The following FRMD8 variants were observed in gnomAD, a reference collection of about 807,000 sequenced individuals.
FRMD8 encodes FERM domain-containing protein 8.
FRMD8 carries 37 observed loss-of-function variants against 54.2 expected under a neutral mutation model. The ratio of observed to expected loss-of-function variants is 0.68; its 90% CI spans 0.53 to 0.90. The LOEUF is 0.90. Among genes scored for constraint, FRMD8 ranks in the 40% least tolerant of loss-of-function variants. FRMD8 has a pLI of 0.00. For synonymous variants in FRMD8, 246 were observed against 286.9 expected (o/e 0.86, Z 1.44); for missense variants, 585 against 653.7 (o/e 0.89, Z 1.15).
At chr11:65,374,239 T>C in the FRMD8 span, among the ~76,000 whole-genome samples, 2 of 143,198 alleles carry the variant, frequency 1.4e-5, no homozygotes, top group East Asian at 1.9e-4. Context: ...TGACGTAGTA[T>C]GGTCCCGGCA....
At chr11:65,376,274 C>T in the FRMD8 span, 59 of 1,150,176 alleles carry the variant, frequency 5.1e-5, no homozygotes, top group South Asian at 7.5e-5. Flanking sequence ...CAGATCTGCG[C>T]GGGTGGGAGG....
chr11:65,384,774 G>T (rs566462287), upstream of FRMD8, among the ~76,000 whole-genome samples: 44 of 152,302 alleles, frequency 2.9e-4, no homozygotes, highest in African/African-American at 1.1e-3. Context: ...GCAGGATGGC[G>T]CTATCAGAGC....
At position 65,399,766 on chromosome 11, in the gene FRMD8, G is replaced by T. The variant is rs376649188; in HGVS notation, c.834G>T (p.Lys278Asn). ...GCAFFHGEVDKPAQGFLHRGG... is the reference protein window; with the variant it reads ...GCAFFHGEVDNPAQGFLHRGG... Reference sequence around the variant, plus strand: ...CCTTCTTCCACGGTGAGGTTGACAAGCCGGCCCAAGGCTTTTTGCACCGGG... The same window carrying T: ...CCTTCTTCCACGGTGAGGTTGACAATCCGGCCCAAGGCTTTTTGCACCGGG... Residue 278 changes from lysine to asparagine, a missense_variant, in exon 8 of 11, where the codon AAG becomes AAT. By Grantham distance (94) the Lys-to-Asn change is moderately conservative. Transcript: ENST00000317568. 5.6e-6 allele frequency: 9 copies of T among 1,613,988 alleles called. No homozygotes were observed. Among genetic ancestry groups the T allele is most frequent in the Non-Finnish European group, 6.8e-6 (8 of 1,179,996 alleles).
At chr11:65,403,274 C>T (rs1360792559) in intron 9 of FRMD8, among the ~76,000 whole-genome samples, 1 of 152,162 alleles carries the variant, frequency 6.6e-6, no homozygotes, top group South Asian at 2.1e-4. Flanking sequence ...CCTCCGCCTC[C>T]TAGGTTCAAG....
chr11:65,382,530 T>TCC (rs369551172), upstream of FRMD8: 260 of 154,990 alleles, frequency 1.7e-3, 1 homozygote, highest in African/African-American at 6.1e-3. The surrounding 1 kb of genome is among the most constrained non-coding windows in gnomAD (Gnocchi z 4.4). Flanking sequence ...CTCCCCCGAC[T>TCC]CCCCCGTGTG....
Position 65,399,850 on chromosome 11 carries a change from CAG to C in FRMD8, c.924_925del (p.Lys309AlafsTer57). On this transcript the variant is annotated frameshift_variant, in exon 8 of 11. Transcript: ENST00000317568. LOFTEE classifies it high-confidence loss of function. ...SLEGVHVIDS[R>X]EKHVLLGLRF... ...TGGAAGGCGTGCACGTCATCGATAGCAGAGAGAAGGTACTGCCCCCAGCTCCT... is the reference window on the plus strand; with the variant it reads ...TGGAAGGCGTGCACGTCATCGATAGCAGAGAAGGTACTGCCCCCAGCTCCT... 3 of 1,613,154 alleles carry C rather than the reference CAG, an allele frequency of 1.9e-6. No homozygotes were observed. Among genetic ancestry groups the C allele is most frequent in the Non-Finnish European group, 2.5e-6 (3 of 1,179,550 alleles).
At chr11:65,397,225 A>G (rs759236994) in intron 7 of FRMD8, among the ~76,000 whole-genome samples, 10 of 152,098 alleles carry the variant, frequency 6.6e-5, no homozygotes, top group Non-Finnish European at 4.4e-5. Context: ...GACACCTTGG[A>G]TGGGTCCTCT....
chr11:65,407,178 C>G (rs917603132), intron 10 of FRMD8, among the ~76,000 whole-genome samples: 9 of 151,970 alleles, frequency 5.9e-5, no homozygotes, highest in African/African-American at 2.2e-4. Context: ...TCCTAGAAAT[C>G]TAGAATTATT....
rs983636420 is a variant in FRMD8, at chr11:65,393,568, T to C, written c.254-5T>C. 1.2e-6 allele frequency: 2 copies of C among 1,606,874 alleles called. No homozygotes were observed. ...GCATGGGCCACTCCCCATCTCGTCCTGCAGAGGTGCAGCTGAAACCCAAGC... is the reference window on the plus strand; with the variant it reads ...GCATGGGCCACTCCCCATCTCGTCCCGCAGAGGTGCAGCTGAAACCCAAGC... On this transcript the variant is annotated splice_region_variant and splice_polypyrimidine_tract_variant and intron_variant, in intron 3 of 10. Transcript: ENST00000317568.
At chr11:65,403,284 G>A (rs2096730042) in intron 9 of FRMD8, among the ~76,000 whole-genome samples, 1 of 152,180 alleles carries the variant, frequency 6.6e-6, no homozygotes, top group Non-Finnish European at 1.5e-5. Context: ...CTAGGTTCAA[G>A]CGATTCTCTC....
Position 65,411,433 on chromosome 11 carries a change from CG to C in FRMD8, c.*75del. The C allele has an allele frequency of 1.0e-6, 1 of 990,808 alleles. No individual in the cohort carries two copies. Among genetic ancestry groups the C allele is most frequent in the Non-Finnish European group, 1.4e-6 (1 of 694,280 alleles). 61.4% of individuals were successfully genotyped at this position (990,808 alleles called of 1,614,324 possible). On this transcript the variant is annotated 3_prime_UTR_variant, in exon 11 of 11. Coordinates refer to ENST00000317568, the MANE Select transcript of FRMD8 (RefSeq NM_031904.5). The stretch of plus-strand genomic sequence containing the variant: ...CACTGTCCTCCTGAGGGGCAGGCGC[CG>C]GCTGCAACAGTCTCATGGGTCACCA...
At chr11:65,379,938 C>A in the FRMD8 span, 6 of 1,614,096 alleles carry the variant, frequency 3.7e-6, no homozygotes, top group African/African-American at 8.0e-5. Flanking sequence ...TGCAGCCTCA[C>A]CTGGGTGGGA....
chr11:65,408,890 T>A (rs572775631), intron 10 of FRMD8, among the ~76,000 whole-genome samples: 1 of 151,408 alleles, frequency 6.6e-6, no homozygotes, highest in Non-Finnish European at 1.5e-5. Context: ...GGATTACAGA[T>A]GTGAGCACCG....
At chr11:65,381,366 T>G in the FRMD8 span, 2 of 154,512 alleles carry the variant, frequency 1.3e-5, no homozygotes, top group Admixed American at 1.3e-4. Context: ...CTTGACCTCA[T>G]GATCCACCTA....
chr11:65,404,991 G>A lies in FRMD8; in HGVS notation c.1199G>A (p.Arg400His), dbSNP rs1384045229. 5.0e-6 allele frequency: 8 copies of A among 1,613,180 alleles called. No individual in the cohort carries two copies. Among genetic ancestry groups the A allele is most frequent in the Admixed American group, 3.3e-5 (2 of 60,010 alleles). The change falls in exon 10 of 11, where the codon CGC becomes CAC. Residue 400 changes from arginine (R) to histidine (H), a missense_variant. Physicochemically the swap from Arg to His is conservative, Grantham distance 29. Coordinates refer to ENST00000317568, the MANE Select transcript of FRMD8 (RefSeq NM_031904.5). This position sits in a 1 kb window ranked among gnomAD's most constrained non-coding sequence, Gnocchi z 4.7. The part of the protein sequence containing the change: ...DPSSSLAPVQ[R>H]PKLRRQGSVV... ...AGCTCCTCACTGGCTCCTGTTCAGC[G>A]CCCCAAGCTGCGGAGGCAGGGCAGT... is the stretch of plus-strand genomic sequence containing the variant.
chr11:65,407,937 G>C (rs1384834962), intron 10 of FRMD8, among the ~76,000 whole-genome samples: 1 of 151,684 alleles, frequency 6.6e-6, no homozygotes, highest in Non-Finnish European at 1.5e-5. Flanking sequence ...GCAGCCATGC[G>C]CATGAGGAGG....
In FRMD8 at chr11:65,404,848, GC is replaced by G. The variant is rs1856156040; in HGVS notation, c.1072-11del. 1.2e-6 allele frequency: 2 copies of G among 1,604,040 alleles called. No individual in the cohort carries two copies. Among genetic ancestry groups the G allele is most frequent in the African/African-American group, 1.3e-5 (1 of 74,736 alleles). ...GGGGGCCCTGGCCAGGCCTCACACTGCCCCCTCCTCCCCAGGCCGAACTGAT... is the reference window on the plus strand; with the variant it reads ...GGGGGCCCTGGCCAGGCCTCACACTGCCCCTCCTCCCCAGGCCGAACTGAT... On this transcript the variant is annotated splice_polypyrimidine_tract_variant and intron_variant, in intron 9 of 10. Transcript: ENST00000317568. The surrounding 1 kb of genome is among the most constrained non-coding windows in gnomAD (Gnocchi z 4.7).
chr11:65,373,818 C>G, the FRMD8 span, among the ~76,000 whole-genome samples: 1 of 152,146 alleles, frequency 6.6e-6, no homozygotes, highest in Non-Finnish European at 1.5e-5. Flanking sequence ...GAACTCCTAG[C>G]CTCAAGTGGT....
In FRMD8 at chr11:65,400,248, G is replaced by A. The variant is rs1337798389; in HGVS notation, c.927+389G>A. On this transcript the variant is annotated intron_variant, in intron 8 of 10. Transcript: ENST00000317568. This position sits in a 1 kb window ranked among gnomAD's most constrained non-coding sequence, Gnocchi z 4.3. ...GGTGGCCAGCCCTGGGTAGAGAGCC[G>A]CGTCAGCAGCCAGCCCTGTGGGGCA... 2.0e-5 allele frequency among the ~76,000 whole-genome samples: 3 copies of A among 152,186 alleles called. No homozygotes were observed. The highest frequency in any genetic ancestry group is 2.1e-4 in the South Asian group (1 of 4,830).
Sources: gnomAD v4.1 joint callset for allele counts (sites outside exome capture counted in the v4.1 genomes callset) on GRCh38, gnomAD v4.1.1 for gene constraint, Gnocchi (gnomAD v3.1) non-coding constraint, MANE v1.5 for transcripts, NCBI Gene and HGNC (gene_info 2026-07-23, HGNC 2026-07-21) for gene names.